The following CRTC3 variants were observed in gnomAD, a reference collection of about 807,000 sequenced individuals.
CRTC3 encodes CREB-regulated transcription coactivator 3.
Under a neutral mutation model 74.5 loss-of-function variants are expected in CRTC3, and 26 were observed. The observed-to-expected ratio is 0.35, with a 90% confidence interval of 0.26 to 0.48. The LOEUF is 0.48. CRTC3 is among the 20% of genes least tolerant of loss of function. CRTC3 has a pLI of 0.99. For synonymous variants in CRTC3, 377 were observed against 325.8 expected (o/e 1.16, Z -1.69); for missense variants, 760 against 787.3 (o/e 0.97, Z 0.41).
chr15:90,603,317 C>G (rs1046696536), intron 4 of CRTC3, among the ~76,000 whole-genome samples: 7 of 150,270 alleles, frequency 4.7e-5, no homozygotes, highest in African/African-American at 1.7e-4. Flanking sequence ...GTGGCAGGCG[C>G]CTGTAGTCCC....
In CRTC3 at chr15:90,634,866, A is replaced by T. The variant is rs879200584; in HGVS notation, c.1267-3580A>T. 3.2e-6 allele frequency: 5 copies of T among 1,541,140 alleles called. No homozygotes were observed. The Admixed American group carries it at 8.4e-5, about 26-fold the overall frequency. The stretch of plus-strand genomic sequence containing the variant: ...AAAAGTATTGCAAGCAACAGTAGTC[A>T]CTGTTGGATCGGGTTCTAAAGGTAA... On this transcript the variant is annotated intron_variant, in intron 11 of 14. Transcript: ENST00000268184.
intron 2 of CRTC3, among the ~76,000 whole-genome samples, chr15:90,580,191 T>G (rs1046027681): frequency 1.3e-5 from 2 of 152,178 alleles, no homozygotes; most frequent in African/African-American, 4.8e-5. Flanking sequence ...TATATGTTAT[T>G]CTTCTGGAGA....
At chr15:90,538,884 C>T (rs1966761454) in intron 1 of CRTC3, among the ~76,000 whole-genome samples, 1 of 151,590 alleles carries the variant, frequency 6.6e-6, no homozygotes, top group African/African-American at 2.4e-5. Context: ...ACAGCCGTGG[C>T]TCAGCCTCCT....
intron 7 of CRTC3, 76 bp downstream of exon 7, chr15:90,614,564 A>G (rs1968441022): frequency 2.0e-6 from 2 of 978,098 alleles, no homozygotes; most frequent in African/African-American, 3.3e-5. Context: ...ACCTTTACTA[A>G]TAAATATTCA....
At chr15:90,632,894 T>G (rs942758314) in intron 11 of CRTC3, among the ~76,000 whole-genome samples, 3 of 152,156 alleles carry the variant, frequency 2.0e-5, no homozygotes, top group African/African-American at 7.2e-5. Flanking sequence ...ATGAGCCACC[T>G]CACCCAGCCT....
At position 90,554,740 on chromosome 15, in the gene CRTC3, C is replaced by T. The variant is rs148591069; in HGVS notation, c.231+14603C>T. 1.2e-3 allele frequency among the ~76,000 whole-genome samples: 184 copies of T among 152,300 alleles called. 1 individual carries two copies. The highest frequency in any genetic ancestry group is 4.3e-3 in the African/African-American group (178 of 41,560). ...CTGGTGAGGATGAAATCAGATAATA[C>T]GTGTGAAGCGCCTGGTGCAGTAAAT... On this transcript the variant is annotated intron_variant, in intron 2 of 14. Coordinates refer to ENST00000268184, the MANE Select transcript of CRTC3 (RefSeq NM_022769.5).
At position 90,604,456 on chromosome 15, in the gene CRTC3, G is replaced by A. The variant is rs932899441; in HGVS notation, c.476+9G>A. On this transcript the variant is annotated intron_variant, in intron 5 of 14. Transcript: ENST00000268184. Reference sequence around the variant, plus strand: ...ACATCTGCACTTAACAGGTACATGGGTTGTTTCCTGGTAGGAGTAGATTTT... The same window carrying A: ...ACATCTGCACTTAACAGGTACATGGATTGTTTCCTGGTAGGAGTAGATTTT... 1.6e-5 allele frequency: 26 copies of A among 1,607,230 alleles called. No individual in the cohort carries two copies. Among genetic ancestry groups the A allele is most frequent in the Non-Finnish European group, 2.0e-5 (23 of 1,173,878 alleles).
intron 10 of CRTC3, among the ~76,000 whole-genome samples, chr15:90,628,995 A>G (rs114816292): frequency 0.021 from 3,158 of 152,072 alleles, 131 homozygotes; most frequent in African/African-American, 0.072. Flanking sequence ...TGTTGACGTG[A>G]TCTCCCTCCT....
At position 90,570,831 on chromosome 15, in the gene CRTC3, A is replaced by C. The variant is rs76655208; in HGVS notation, c.232-22805A>C. On this transcript the variant is annotated intron_variant, in intron 2 of 14. Coordinates refer to ENST00000268184, the MANE Select transcript of CRTC3 (RefSeq NM_022769.5). ...TGTTACACACATTACTTGATGATAA[A>C]AACAGTGATCTTTACTTTGGCTTAC... 7.9e-3 allele frequency among the ~76,000 whole-genome samples: 1,196 copies of C among 152,276 alleles called. 45 individuals carry two copies. In the East Asian group the frequency reaches 0.11, roughly 15 times the overall value.
chr15:90,638,873 G>A, intron 13 of CRTC3, 58 bp downstream of exon 13: 1 of 1,410,542 alleles, frequency 7.1e-7, no homozygotes, highest in East Asian at 2.3e-5. Context: ...CATTTAGGTT[G>A]TTCATTCTGT....
At chr15:90,578,568 G>A (rs1280533457) in intron 2 of CRTC3, among the ~76,000 whole-genome samples, 4 of 151,926 alleles carry the variant, frequency 2.6e-5, no homozygotes, top group African/African-American at 7.3e-5. Context: ...AAAAAAGAAG[G>A]TAAAGATGGT....
chr15:90,545,783 T>C (rs1966843257), intron 2 of CRTC3, among the ~76,000 whole-genome samples: 1 of 152,140 alleles, frequency 6.6e-6, no homozygotes, highest in Non-Finnish European at 1.5e-5. Context: ...TTTCACTGTG[T>C]TAGCCAGGAT....
At chr15:90,545,786 G>A (rs185390632) in intron 2 of CRTC3, among the ~76,000 whole-genome samples, 23 of 152,172 alleles carry the variant, frequency 1.5e-4, no homozygotes, top group Admixed American at 7.8e-4. Context: ...CACTGTGTTA[G>A]CCAGGATGGT....
intron 2 of CRTC3, among the ~76,000 whole-genome samples, chr15:90,567,390 T>G (rs1323614487): frequency 6.6e-6 from 1 of 151,988 alleles, no homozygotes; most frequent in African/African-American, 2.4e-5. Flanking sequence ...AACAAACAAC[T>G]AAAATATTAC....
chr15:90,591,265 ATTTG>A (rs1038750726), intron 2 of CRTC3, among the ~76,000 whole-genome samples: 3 of 150,808 alleles, frequency 2.0e-5, no homozygotes, highest in East Asian at 3.9e-4. Context: ...TGCCTAGCTA[ATTTG>A]TTTGTTTGTA....
intron 2 of CRTC3, among the ~76,000 whole-genome samples, chr15:90,566,608 G>A (rs948077398): frequency 1.3e-4 from 19 of 151,430 alleles, no homozygotes; most frequent in African/African-American, 4.4e-4. Context: ...ACAGGATGAA[G>A]CAAGAATTGC....
At chr15:90,544,875 G>T (rs541220137) in intron 2 of CRTC3, among the ~76,000 whole-genome samples, 1 of 152,182 alleles carries the variant, frequency 6.6e-6, no homozygotes, top group South Asian at 2.1e-4. Flanking sequence ...TAGTTTATTG[G>T]TATCTTCTAA....
At chr15:90,593,992 A>G (rs1967860468) in intron 3 of CRTC3, 1 of 379,084 alleles carries the variant, frequency 2.6e-6, no homozygotes, top group Non-Finnish European at 4.7e-6. Flanking sequence ...ATAACAACAA[A>G]AACAACCTGT....
chr15:90,628,933 G>T (rs1267045351), intron 10 of CRTC3, among the ~76,000 whole-genome samples: 1 of 152,102 alleles, frequency 6.6e-6, no homozygotes, highest in Non-Finnish European at 1.5e-5. Flanking sequence ...CCGAGCACCT[G>T]GAATATTTGC....
Sources: allele counts gnomAD v4.1 joint callset (sites outside exome capture counted in the v4.1 genomes callset), GRCh38; gene constraint gnomAD v4.1.1; transcripts MANE v1.5; gene names NCBI Gene and HGNC (gene_info 2026-07-23, HGNC 2026-07-21).